AGBL1: variants seen among roughly 807,000 people sequenced by gnomAD.
AGBL1 encodes cytosolic carboxypeptidase 4.
In AGBL1, 130 loss-of-function variants were observed where a neutral mutation model predicts 118.9. The observed-to-expected ratio is 1.09, with a 90% CI of 0.95 to 1.26. AGBL1 has a LOEUF of 1.26. AGBL1 is among the 50% of genes most tolerant of loss of function. The probability of loss-of-function intolerance (pLI) is 0.00; values close to 1 mark genes in which losing one functional copy is unlikely to be tolerated. For synonymous variants in AGBL1, 555 were observed against 478.9 expected (o/e 1.16, Z -2.08); for missense variants, 1,584 against 1,298.1 (o/e 1.22, Z -3.38).
intron 15 of AGBL1, among the ~76,000 whole-genome samples, chr15:86,274,814 A>T (rs761073829): frequency 2.6e-5 from 4 of 152,118 alleles, no homozygotes; most frequent in Admixed American, 6.6e-5. Flanking sequence ...ATAGTAGACA[A>T]CTTAATTTCT....
intron 22 of AGBL1, among the ~76,000 whole-genome samples, chr15:86,899,909 C>A (rs928021845): frequency 5.3e-5 from 8 of 152,110 alleles, no homozygotes; most frequent in South Asian, 2.1e-4. Context: ...GAGAGGCAGA[C>A]CCACCCTCAA....
At chr15:86,682,588 G>A (rs575561708) in intron 22 of AGBL1, among the ~76,000 whole-genome samples, 1 of 152,108 alleles carries the variant, frequency 6.6e-6, no homozygotes, top group South Asian at 2.1e-4. Flanking sequence ...ACAGCTTACA[G>A]AATATTACTC....
intron 22 of AGBL1, among the ~76,000 whole-genome samples, chr15:86,905,480 A>T (rs535277700): frequency 2.6e-5 from 4 of 152,344 alleles, no homozygotes; most frequent in Admixed American, 6.5e-5. Context: ...GGTGTGAAGC[A>T]ACAAATCTAC....
At chr15:86,800,662 C>T (rs1233102995) in intron 22 of AGBL1, among the ~76,000 whole-genome samples, 1 of 152,120 alleles carries the variant, frequency 6.6e-6, no homozygotes. Context: ...GCAAGCAGTG[C>T]TAAGTTCAAG....
chr15:86,335,845 T>C (rs2080359299), intron 17 of AGBL1, among the ~76,000 whole-genome samples: 1 of 152,218 alleles, frequency 6.6e-6, no homozygotes, highest in Admixed American at 6.5e-5. Context: ...GACACTCTAC[T>C]CCTGGTTTGT....
chr15:86,326,990 T>A (rs959568293), intron 17 of AGBL1, among the ~76,000 whole-genome samples: 1 of 148,982 alleles, frequency 6.7e-6, no homozygotes, highest in Middle Eastern at 3.5e-3. Flanking sequence ...GGAAATAGAG[T>A]AGGAGAAGGA....
chr15:86,342,774 C>T (rs545989474), intron 17 of AGBL1, among the ~76,000 whole-genome samples: 1 of 152,144 alleles, frequency 6.6e-6, no homozygotes, highest in East Asian at 1.9e-4. Flanking sequence ...ATATAGAATA[C>T]CTGATGTAAG....
At chr15:86,990,909 T>G (rs1439679000) in intron 24 of AGBL1, among the ~76,000 whole-genome samples, 1 of 152,148 alleles carries the variant, frequency 6.6e-6, no homozygotes, top group Non-Finnish European at 1.5e-5. Flanking sequence ...GAATGCTTTA[T>G]CTGGCTATGA....
intron 16 of AGBL1, among the ~76,000 whole-genome samples, chr15:86,286,508 C>A (rs538821051): frequency 1.9e-4 from 29 of 151,888 alleles, no homozygotes; most frequent in Non-Finnish European, 4.3e-4. Flanking sequence ...CCATTCTACT[C>A]TCTGTTTCTA....
chr15:86,549,651 A>G (rs1596254886), intron 20 of AGBL1, among the ~76,000 whole-genome samples: 1 of 152,242 alleles, frequency 6.6e-6, no homozygotes, highest in African/African-American at 2.4e-5. Flanking sequence ...GAAACAAAGC[A>G]GTCAGTAGAA....
chr15:86,681,659 C>T (rs2085960100), intron 22 of AGBL1, among the ~76,000 whole-genome samples: 1 of 152,174 alleles, frequency 6.6e-6, no homozygotes, highest in South Asian at 2.1e-4. Context: ...TACAATTAGT[C>T]AATAATCAAG....
chr15:86,667,234 G>GTATCTATCTATCTATCTATCTATCTATC (rs1323977258), intron 21 of AGBL1, among the ~76,000 whole-genome samples: 12 of 97,478 alleles, frequency 1.2e-4, no homozygotes, highest in East Asian at 4.7e-4. Flanking sequence ...ATGTATGTAT[G>GTATCTATCTATCTATCTATCTATCTATC]TATGTATGTA....
chr15:86,626,272 G>A (rs1270958214), intron 21 of AGBL1, among the ~76,000 whole-genome samples: 1 of 152,082 alleles, frequency 6.6e-6, no homozygotes, highest in Admixed American at 6.5e-5. Flanking sequence ...GCCCATCAAC[G>A]ATAAACTGGA....
intron 18 of AGBL1, among the ~76,000 whole-genome samples, chr15:86,456,144 T>C (rs1285805479): frequency 2.6e-5 from 4 of 152,204 alleles, no homozygotes; most frequent in Non-Finnish European, 2.9e-5. Flanking sequence ...ACTGTTCCTC[T>C]AGATTAAAAC....
At chr15:86,184,081 T>A (rs1298975128) in intron 5 of AGBL1, among the ~76,000 whole-genome samples, 1 of 152,204 alleles carries the variant, frequency 6.6e-6, no homozygotes, top group Admixed American at 6.5e-5. Flanking sequence ...TGTTATAATG[T>A]CTTATTGATA....
intron 22 of AGBL1, among the ~76,000 whole-genome samples, chr15:86,836,287 C>T (rs990283907): frequency 3.9e-5 from 6 of 152,064 alleles, no homozygotes; most frequent in Admixed American, 1.3e-4. Flanking sequence ...GAAATCAAGG[C>T]GGGGAAGTAG....
At chr15:86,970,340 G>C (rs1411365766) in intron 23 of AGBL1, among the ~76,000 whole-genome samples, 1 of 151,876 alleles carries the variant, frequency 6.6e-6, no homozygotes, top group African/African-American at 2.4e-5. Context: ...AGTTTTAGAA[G>C]TCATTATTGC....
chr15:86,892,657 C>G (rs2141560573), intron 22 of AGBL1, among the ~76,000 whole-genome samples: 1 of 152,232 alleles, frequency 6.6e-6, no homozygotes, highest in African/African-American at 2.4e-5. Flanking sequence ...ACCTGGCACA[C>G]AGTAGGTGAT....
intron 21 of AGBL1, among the ~76,000 whole-genome samples, chr15:86,588,759 C>T (rs1380651779): frequency 6.6e-6 from 1 of 152,060 alleles, no homozygotes; most frequent in Non-Finnish European, 1.5e-5. Flanking sequence ...TAAACCTGAC[C>T]CTATGAGGAG....
Sources: gnomAD v4.1 joint callset for allele counts (sites outside exome capture counted in the v4.1 genomes callset) on GRCh38, gnomAD v4.1.1 for gene constraint, MANE v1.5 for transcripts, NCBI Gene and HGNC (gene_info 2026-07-23, HGNC 2026-07-21) for gene names.